The following VGLL4 variants were observed in gnomAD, a reference collection of about 807,000 sequenced individuals.
VGLL4 encodes the protein vestigial like family member 4.
A neutral mutation model predicts 21.0 loss-of-function variants in VGLL4; 7 were observed. The observed-to-expected ratio is 0.33, with a 90% CI of 0.19 to 0.63. The LOEUF is 0.63. Among genes scored for constraint, VGLL4 ranks in the 20% least tolerant of loss-of-function variants. The probability of loss-of-function intolerance (pLI) is 0.78; values close to 1 mark genes in which losing one functional copy is unlikely to be tolerated. For synonymous variants in VGLL4, 222 were observed against 173.2 expected (o/e 1.28, Z -2.21); for missense variants, 394 against 425.7 (o/e 0.93, Z 0.66).
chr3:11,581,078 T>TA (rs78523823), intron 2 of VGLL4, among the ~76,000 whole-genome samples: 282 of 147,018 alleles, frequency 1.9e-3, no homozygotes, highest in African/African-American at 4.5e-3. Flanking sequence ...TTTTTTTTTT[T>TA]AAAAAAAAAG....
chr3:11,644,859 A>G (rs188408189), upstream of VGLL4, among the ~76,000 whole-genome samples: 98 of 150,502 alleles, frequency 6.5e-4, no homozygotes, highest in South Asian at 7.5e-3. Flanking sequence ...AAAAAAAAAA[A>G]AAAAGAAAAG....
chr3:11,643,863 G>T lies in VGLL4; in HGVS notation c.-345C>A, dbSNP rs2075743942. ...AGCCCGTTTCCTAGGACAAAGCGGC[G>T]CCGGCCCCTCTCACAGCCCGCTGCA... On this transcript the variant is annotated 5_prime_UTR_variant, in exon 1 of 5. Transcript: ENST00000430365. 9.8e-7 allele frequency: 1 copy of T among 1,024,484 alleles called. No individual in the cohort carries two copies. The highest frequency in any genetic ancestry group is 1.7e-5 in the African/African-American group (1 of 58,054). The allele number at this position is 1,024,484 out of a possible 1,614,324, so 63.5% of individuals were successfully genotyped here.
At chr3:11,633,774 C>T (rs1300363930) in intron 1 of VGLL4, 1 of 152,124 alleles carries the variant, frequency 6.6e-6, no homozygotes. Context: ...GAGAAAGGAA[C>T]AGGGAGATTT....
At chr3:11,567,040 C>A (rs1170697080) in intron 2 of VGLL4, among the ~76,000 whole-genome samples, 1 of 152,144 alleles carries the variant, frequency 6.6e-6, no homozygotes, top group Non-Finnish European at 1.5e-5. Flanking sequence ...GCGGCCCAGT[C>A]GGTGAGCTGC....
chr3:11,650,090 C>T (rs62245805), intron 2 of VGLL4, among the ~76,000 whole-genome samples: 8,101 of 152,052 alleles, frequency 0.053, 400 homozygotes, highest in Admixed American at 0.12. Context: ...CCGTGTCTGG[C>T]TAACTTTTTT....
intron 3 of VGLL4, among the ~76,000 whole-genome samples, chr3:11,564,532 A>T (rs1211508975): frequency 1.1e-4 from 17 of 152,176 alleles, no homozygotes; most frequent in Admixed American, 1.1e-3. Context: ...CCCCAGTGAC[A>T]TTCACCTTGC....
intron 1 of VGLL4, among the ~76,000 whole-genome samples, chr3:11,710,929 GT>G (rs2076833326): frequency 6.6e-6 from 1 of 151,236 alleles, no homozygotes; most frequent in East Asian, 2.0e-4. Flanking sequence ...GTGAAACCCC[GT>G]CTCTACTAAA....
intron 1 of VGLL4, among the ~76,000 whole-genome samples, chr3:11,713,570 A>ATT (rs1304411003): frequency 2.3e-5 from 1 of 42,970 alleles, no homozygotes; most frequent in Non-Finnish European, 6.3e-5. Context: ...TATATTATTT[A>ATT]TATATATATA....
chr3:11,559,043 C>T (rs2125097609), intron 4 of VGLL4, among the ~76,000 whole-genome samples: 1 of 152,314 alleles, frequency 6.6e-6, no homozygotes, highest in East Asian at 1.9e-4. Context: ...GGGCCAGAGT[C>T]CGAGTTCAGA....
chr3:11,558,127 C>T lies in VGLL4; in HGVS notation c.*429G>A, dbSNP rs995006372. On this transcript the variant is annotated 3_prime_UTR_variant, in exon 5 of 5. Transcript: ENST00000430365. ...AGTATACACACGCACACACATGGAC[C>T]GAACCAAACACGCCGTGGAAGCTGA... 2 of 222,018 alleles carry T rather than the reference C, an allele frequency of 9.0e-6. No individual in the cohort carries two copies. The highest frequency in any genetic ancestry group is 1.8e-5 in the Non-Finnish European group (2 of 110,766). 13.8% of individuals were successfully genotyped at this position (222,018 alleles called of 1,614,324 possible).
intron 1 of VGLL4, among the ~76,000 whole-genome samples, chr3:11,619,337 T>C (rs527576904): frequency 1.3e-5 from 2 of 152,340 alleles, no homozygotes; most frequent in East Asian, 3.9e-4. Flanking sequence ...AATGCTTTCC[T>C]ACTGGATATA....
chr3:11,710,867 A>C (rs951949936), intron 1 of VGLL4, among the ~76,000 whole-genome samples: 7 of 152,132 alleles, frequency 4.6e-5, no homozygotes, highest in Non-Finnish European at 8.8e-5. Flanking sequence ...TGAGAGGCTG[A>C]GGCAGGCAGA....
chr3:11,558,668 G>A lies in VGLL4; in HGVS notation c.779C>T (p.Ala260Val), dbSNP rs777574394. 15 of 1,613,306 alleles carry A rather than the reference G, an allele frequency of 9.3e-6. No individual in the cohort carries two copies. The highest frequency in any genetic ancestry group is 1.2e-5 in the Non-Finnish European group (14 of 1,180,012). Residue 260 changes from alanine to valine, a missense_variant, in exon 5 of 5, where the codon GCG becomes GTG. Transcript: ENST00000430365. Reference sequence around the variant, plus strand: ...GCTGCTGGATGCTCCGTCCTTGGCCGCTTTGATCTGGAGCCACGTGTCACC... The same window carrying A: ...GCTGCTGGATGCTCCGTCCTTGGCCACTTTGATCTGGAGCCACGTGTCACC... The part of the protein sequence containing the change: ...ALGDTWLQIK[A>V]AKDGASSSPE...
In VGLL4 at chr3:11,558,675, T is replaced by G; in HGVS notation, c.772A>C (p.Ile258Leu). The change falls in exon 5 of 5, where the codon ATC (isoleucine) becomes CTC (leucine). Residue 258 changes from isoleucine (I) to leucine (L), a missense_variant. Coordinates refer to ENST00000430365, the MANE Select transcript of VGLL4 (RefSeq NM_001128219.3). ...AKALGDTWLQ[I>L]KAAKDGASSS... ...GATGCTCCGTCCTTGGCCGCTTTGA[T>G]CTGGAGCCACGTGTCACCCAGAGCT... 1 of 1,613,610 alleles carries G rather than the reference T, an allele frequency of 6.2e-7. No homozygotes were observed. Among genetic ancestry groups the G allele is most frequent in the Non-Finnish European group, 8.5e-7 (1 of 1,180,008 alleles).
intron 2 of VGLL4, among the ~76,000 whole-genome samples, chr3:11,666,144 T>C (rs6788680): frequency 0.61 from 92,164 of 151,310 alleles, 28,161 homozygotes; most frequent in Admixed American, 0.64. Context: ...CCCAGCTACT[T>C]GGGAGGCTGA....
chr3:11,567,380 GT>G (rs1316464618), intron 2 of VGLL4, among the ~76,000 whole-genome samples: 1 of 152,134 alleles, frequency 6.6e-6, no homozygotes, highest in Non-Finnish European at 1.5e-5. Flanking sequence ...CGTTTATGGG[GT>G]TTTTTTCTTC....
intron 1 of VGLL4, among the ~76,000 whole-genome samples, chr3:11,616,373 C>G (rs199568456): frequency 6.6e-6 from 1 of 151,548 alleles, no homozygotes; most frequent in African/African-American, 2.4e-5. Context: ...TATCGCCTAA[C>G]GGTGGTACTA....
At chr3:11,617,052 GAAATAAA>G (rs2075174463) in intron 1 of VGLL4, among the ~76,000 whole-genome samples, 2 of 151,780 alleles carry the variant, frequency 1.3e-5, no homozygotes, top group African/African-American at 2.4e-5. Context: ...TAATTAATTT[GAAATAAA>G]AAATAAAAAG....
intron 3 of VGLL4, among the ~76,000 whole-genome samples, chr3:11,561,523 G>A (rs935003654): frequency 3.3e-5 from 5 of 152,170 alleles, no homozygotes; most frequent in Admixed American, 6.5e-5. Context: ...GCCCTCGTGG[G>A]ACTGGCTCCA....
Sources: gnomAD v4.1 joint callset for allele counts (sites outside exome capture counted in the v4.1 genomes callset) on GRCh38, gnomAD v4.1.1 for gene constraint, MANE v1.5 for transcripts, NCBI Gene and HGNC (gene_info 2026-07-23, HGNC 2026-07-21) for gene names.